The following C13orf46 variants were observed in gnomAD, a reference collection of about 807,000 sequenced individuals.
C13orf46 encodes the protein uncharacterized protein C13orf46.
At chr13:113,935,745 T>C in the C13orf46 span, among the ~76,000 whole-genome samples, 14 of 152,318 alleles carry the variant, frequency 9.2e-5, no homozygotes, top group Middle Eastern at 3.4e-3. Flanking sequence ...TTTTCATTTT[T>C]ACACTGAACT....
downstream of C13orf46, among the ~76,000 whole-genome samples, chr13:113,950,702 G>C (rs1438099316): frequency 6.6e-6 from 1 of 152,202 alleles, no homozygotes; most frequent in Non-Finnish European, 1.5e-5. Context: ...GGCTGGCCCC[G>C]CCTCTCCTGC....
intron 5 of C13orf46, among the ~76,000 whole-genome samples, chr13:113,967,066 T>C (rs940646912): frequency 6.6e-6 from 1 of 152,178 alleles, no homozygotes; most frequent in Non-Finnish European, 1.5e-5. Flanking sequence ...TGAGGACCCA[T>C]GGGCACCTTG....
rs2052514700 is a variant in C13orf46, at chr13:113,955,203, TGGAGACGAGGAGCATCCC to T, written c.*1552_*1569del. On this transcript the variant is annotated 3_prime_UTR_variant, in exon 7 of 7. Coordinates refer to ENST00000636427, the MANE Select transcript of C13orf46 (RefSeq NM_001365455.2). ...TCTGGTGGAGAGGAGGAGCATCCCG[TGGAGACGAGGAGCATCCC>T]GTGGAGACGAGGAGCATCTGGCGGA... is the stretch of plus-strand genomic sequence containing the variant. The T allele has an allele frequency of 2.9e-5, 5 of 172,732 alleles. No homozygotes were observed. The highest frequency in any genetic ancestry group is 3.3e-5 in the Non-Finnish European group (3 of 90,874). The allele number at this position is 172,732 out of a possible 1,614,324, so 10.7% of individuals were successfully genotyped here.
downstream of C13orf46, among the ~76,000 whole-genome samples, chr13:113,952,016 A>G (rs2052490985): frequency 6.6e-6 from 1 of 151,502 alleles, no homozygotes; most frequent in African/African-American, 2.4e-5. Context: ...CTAAACCCAG[A>G]CAGAGAAAAC....
chr13:113,967,949 T>C (rs1320104275), intron 4 of C13orf46, among the ~76,000 whole-genome samples: 1 of 152,092 alleles, frequency 6.6e-6, no homozygotes, highest in Non-Finnish European at 1.5e-5. Flanking sequence ...ATGGGAGCAT[T>C]TGAGTCAACT....
At position 113,954,923 on chromosome 13, in the gene C13orf46, TCTGGC is replaced by T. The variant is rs2052509751; in HGVS notation, c.*1845_*1849del. On this transcript the variant is annotated 3_prime_UTR_variant, in exon 7 of 7. Transcript: ENST00000636427. Reference sequence around the variant, plus strand: ...CATCTGGCGGAGACGAGGAGGAGCATCTGGCGGAGACGAGGAGGAGGATCTGGCGG... The same window carrying T: ...CATCTGGCGGAGACGAGGAGGAGCATGGAGACGAGGAGGAGGATCTGGCGG... 2.4e-4 allele frequency: 36 copies of T among 149,064 alleles called. No individual in the cohort carries two copies. The highest frequency in any genetic ancestry group is 1.1e-3 in the African/African-American group (36 of 32,648). The allele number at this position is 149,064 out of a possible 1,614,324, so 9.2% of individuals were successfully genotyped here.
rs2052509969 is a variant in C13orf46 at position 113,954,934 on chromosome 13, CGAG to C, written c.*1836_*1838del. 4.3e-5 allele frequency: 5 copies of C among 115,310 alleles called. No individual in the cohort carries two copies. The highest frequency in any genetic ancestry group is 4.0e-4 in the South Asian group (2 of 5,028). 7.1% of individuals were successfully genotyped at this position (115,310 alleles called of 1,614,324 possible). The stretch of plus-strand genomic sequence containing the variant: ...GACGAGGAGGAGCATCTGGCGGAGA[CGAG>C]GAGGAGGATCTGGCGGAGACGAGGA... On this transcript the variant is annotated 3_prime_UTR_variant, in exon 7 of 7. Transcript: ENST00000636427.
intron 1 of C13orf46, among the ~76,000 whole-genome samples, chr13:113,973,564 C>A (rs1055872458): frequency 2.6e-5 from 4 of 152,216 alleles, no homozygotes; most frequent in Non-Finnish European, 4.4e-5. Context: ...CCGGACAGAA[C>A]CGACGTACCC....
the C13orf46 span, among the ~76,000 whole-genome samples, chr13:113,945,999 C>A: frequency 8.5e-6 from 1 of 117,798 alleles, no homozygotes. Flanking sequence ...TCCAGTTCAC[C>A]GCACTGTGGG....
the C13orf46 span, among the ~76,000 whole-genome samples, chr13:113,932,731 G>A: frequency 6.6e-6 from 1 of 151,976 alleles, no homozygotes; most frequent in African/African-American, 2.4e-5. Flanking sequence ...TTAGCTTATT[G>A]GTTTTTTCAT....
chr13:113,928,764 C>G, the C13orf46 span: 1 of 152,454 alleles, frequency 6.6e-6, no homozygotes, highest in Non-Finnish European at 1.5e-5. Flanking sequence ...TCTCTGCCTC[C>G]CGGGAAGGTC....
At chr13:113,946,194 C>T in the C13orf46 span, among the ~76,000 whole-genome samples, 11 of 152,316 alleles carry the variant, frequency 7.2e-5, no homozygotes, top group Middle Eastern at 3.4e-3. Context: ...AGCTCCCCAG[C>T]GGAGACCCTC....
the C13orf46 span, among the ~76,000 whole-genome samples, chr13:113,943,201 C>T: frequency 7.9e-5 from 12 of 152,080 alleles, no homozygotes; most frequent in Admixed American, 7.9e-4. Flanking sequence ...GACAAGTGAC[C>T]GTGGGCCATG....
the C13orf46 span, among the ~76,000 whole-genome samples, chr13:113,939,539 C>T: frequency 2.0e-5 from 3 of 152,118 alleles, no homozygotes; most frequent in Non-Finnish European, 4.4e-5. Context: ...ATGGGGACCA[C>T]GTGGATGGGG....
At chr13:113,967,640 C>G (rs2052663320) in intron 4 of C13orf46, among the ~76,000 whole-genome samples, 1 of 152,148 alleles carries the variant, frequency 6.6e-6, no homozygotes, top group African/African-American at 2.4e-5. Flanking sequence ...CTTTCTCACC[C>G]CTCCCTACTC....
chr13:113,938,700 TG>T, the C13orf46 span, among the ~76,000 whole-genome samples: 25 of 152,210 alleles, frequency 1.6e-4, no homozygotes, highest in African/African-American at 6.0e-4. Context: ...TGCCCACCAC[TG>T]GGAGTCGCTC....
the C13orf46 span, among the ~76,000 whole-genome samples, chr13:113,935,624 G>A: frequency 6.6e-6 from 1 of 152,184 alleles, no homozygotes; most frequent in Non-Finnish European, 1.5e-5. Flanking sequence ...TCCCTGGAAG[G>A]GCCAAACTGG....
chr13:113,940,528 CGTTCG>C, the C13orf46 span, among the ~76,000 whole-genome samples: 2 of 127,204 alleles, frequency 1.6e-5, no homozygotes, highest in South Asian at 2.9e-4. Context: ...TGAGGCTGAG[CGTTCG>C]AGACCCTGGT....
chr13:113,938,572 G>A, the C13orf46 span, among the ~76,000 whole-genome samples: 2 of 152,130 alleles, frequency 1.3e-5, no homozygotes, highest in East Asian at 1.9e-4. Flanking sequence ...AGCACCCACC[G>A]AATAATCCAA....
Sources: allele counts gnomAD v4.1 joint callset (sites outside exome capture counted in the v4.1 genomes callset), GRCh38; gene constraint gnomAD v4.1.1; transcripts MANE v1.5; gene names NCBI Gene and HGNC (gene_info 2026-07-23, HGNC 2026-07-21).